Variants in KCNN2 observed in about 807,000 individuals in gnomAD.
The protein encoded by KCNN2 is potassium calcium-activated channel subfamily N member 2, also known as small conductance calcium-activated potassium channel protein 2.
KCNN2 carries 24 observed loss-of-function variants against 55.5 expected under a neutral mutation model. The ratio of observed to expected loss-of-function variants is 0.43; its 90% CI spans 0.31 to 0.61. The LOEUF (loss-of-function observed/expected upper bound fraction) is 0.61, where lower values mean the gene tolerates loss of function less well. KCNN2 is among the 20% of genes least tolerant of loss of function. The probability of loss-of-function intolerance (pLI) is 0.08; values close to 1 mark genes in which losing one functional copy is unlikely to be tolerated. For synonymous variants in KCNN2, 431 were observed against 336.1 expected (o/e 1.28, Z -3.09); for missense variants, 754 against 853.6 (o/e 0.88, Z 1.45).
intron 1 of KCNN2, among the ~76,000 whole-genome samples, chr5:114,076,158 T>A (rs749242346): frequency 3.9e-5 from 6 of 152,252 alleles, no homozygotes; most frequent in Non-Finnish European, 8.8e-5. Context: ...TTGTGGATAC[T>A]CTCTGAGGTG....
chr5:114,353,143 T>G (rs1393493467), intron 2 of KCNN2, among the ~76,000 whole-genome samples: 5 of 151,918 alleles, frequency 3.3e-5, no homozygotes, highest in African/African-American at 1.2e-4. Flanking sequence ...AATTGTCTTC[T>G]TTGTCTCCAG....
chr5:114,405,965 C>T (rs1207706761), intron 3 of KCNN2, among the ~76,000 whole-genome samples: 1 of 151,908 alleles, frequency 6.6e-6, no homozygotes, highest in Non-Finnish European at 1.5e-5. Flanking sequence ...CTGCCTCAGC[C>T]TCCCAAAGTG....
chr5:114,470,811 T>C (rs1178176992), intron 4 of KCNN2, among the ~76,000 whole-genome samples: 1 of 152,212 alleles, frequency 6.6e-6, no homozygotes. Flanking sequence ...CATATCCTCC[T>C]TTATCTAAAG....
At chr5:114,270,728 T>G (rs1755310126) in intron 2 of KCNN2, among the ~76,000 whole-genome samples, 1 of 152,206 alleles carries the variant, frequency 6.6e-6, no homozygotes. Context: ...ACAGTATTAC[T>G]ATGTCCGGAA....
chr5:114,244,412 A>T (rs955392735), intron 2 of KCNN2, among the ~76,000 whole-genome samples: 1 of 152,070 alleles, frequency 6.6e-6, no homozygotes, highest in African/African-American at 2.4e-5. Context: ...CCTGGCCAAT[A>T]TAGTGAAACC....
intron 2 of KCNN2, among the ~76,000 whole-genome samples, chr5:114,261,397 C>T (rs1477038150): frequency 2.6e-5 from 4 of 152,170 alleles, no homozygotes; most frequent in Non-Finnish European, 5.9e-5. Context: ...ACCGCCTACT[C>T]ACCCCTTAGT....
At chr5:114,312,331 G>T (rs1398215170) in intron 2 of KCNN2, among the ~76,000 whole-genome samples, 1 of 145,888 alleles carries the variant, frequency 6.9e-6, no homozygotes, top group Non-Finnish European at 1.5e-5. Flanking sequence ...CACTTGATTT[G>T]GCTTGCCCCT....
intron 1 of KCNN2, among the ~76,000 whole-genome samples, chr5:114,158,503 T>C (rs956210752): frequency 2.0e-5 from 3 of 152,104 alleles, no homozygotes; most frequent in African/African-American, 7.2e-5. Context: ...TTTGGTTCCA[T>C]ATGAAGTTTA....
At chr5:114,174,004 T>C (rs1291741813) in intron 1 of KCNN2, among the ~76,000 whole-genome samples, 4 of 152,088 alleles carry the variant, frequency 2.6e-5, no homozygotes, top group African/African-American at 2.4e-5. Context: ...AGTATGATAA[T>C]GAAAGAGCCT....
rs566007694 is a variant in KCNN2 at position 114,474,939 on chromosome 5, T to C, written c.1890+1775T>C. 9.2e-5 allele frequency among the ~76,000 whole-genome samples: 14 copies of C among 152,132 alleles called. No homozygotes were observed. The South Asian group carries it at 2.7e-3, about 29-fold the overall frequency. ...CACAAATAAGAAAGCCAAGTTAGCA[T>C]GTTTGGGCAGACTTCTCCATGTTTC... On this transcript the variant is annotated intron_variant, in intron 5 of 7. Transcript: ENST00000673685.
chr5:114,167,157 T>G (rs61415455), intron 1 of KCNN2, among the ~76,000 whole-genome samples: 59,310 of 151,932 alleles, frequency 0.39, 11,919 homozygotes, highest in East Asian at 0.72. Flanking sequence ...AACTTTCAGA[T>G]GATTTCAGGC....
chr5:114,374,291 G>T (rs1334247003), intron 2 of KCNN2, among the ~76,000 whole-genome samples: 1 of 152,162 alleles, frequency 6.6e-6, no homozygotes, highest in East Asian at 1.9e-4. Flanking sequence ...TAATTTGGAT[G>T]ATGGAAAATT....
intron 1 of KCNN2, among the ~76,000 whole-genome samples, chr5:114,075,344 G>A (rs759222717): frequency 1.3e-5 from 2 of 152,080 alleles, no homozygotes; most frequent in Non-Finnish European, 2.9e-5. Flanking sequence ...CCCTAAATTA[G>A]CATTTCTATG....
At chr5:114,370,855 A>G (rs938602157) in intron 2 of KCNN2, among the ~76,000 whole-genome samples, 6 of 152,152 alleles carry the variant, frequency 3.9e-5, no homozygotes, top group South Asian at 2.1e-4. Flanking sequence ...GAAAGTCAGT[A>G]AAGAGTTTAA....
intron 1 of KCNN2, among the ~76,000 whole-genome samples, chr5:114,144,356 G>T (rs1386237304): frequency 1.3e-5 from 2 of 152,032 alleles, no homozygotes; most frequent in Non-Finnish European, 2.9e-5. Context: ...CATCCAAGTA[G>T]AATTTTTTTG....
intron 1 of KCNN2, among the ~76,000 whole-genome samples, chr5:114,142,213 A>G (rs1284741297): frequency 6.6e-6 from 1 of 152,150 alleles, no homozygotes; most frequent in Non-Finnish European, 1.5e-5. Flanking sequence ...GTCCATGCCT[A>G]TGTCCTGAAT....
intron 2 of KCNN2, among the ~76,000 whole-genome samples, chr5:114,232,002 A>G (rs575042904): frequency 6.6e-6 from 1 of 151,264 alleles, no homozygotes; most frequent in Admixed American, 6.6e-5. Flanking sequence ...TCATTTTAAA[A>G]ATATACTTTT....
At chr5:114,187,817 CTT>C (rs1289521116) in intron 1 of KCNN2, among the ~76,000 whole-genome samples, 3 of 131,292 alleles carry the variant, frequency 2.3e-5, no homozygotes, top group Non-Finnish European at 3.2e-5. Flanking sequence ...CCTTTTTTTT[CTT>C]TTTTTTTTTT....
intron 2 of KCNN2, among the ~76,000 whole-genome samples, chr5:114,298,696 A>G (rs1396176343): frequency 1.3e-5 from 2 of 152,218 alleles, no homozygotes; most frequent in Non-Finnish European, 2.9e-5. Context: ...TAGTAAAACC[A>G]TGGGTGATTA....
Sources: gnomAD v4.1 joint callset for allele counts (sites outside exome capture counted in the v4.1 genomes callset) on GRCh38, gnomAD v4.1.1 for gene constraint, MANE v1.5 for transcripts, NCBI Gene and HGNC (gene_info 2026-07-23, HGNC 2026-07-21) for gene names.